FHIT: variants seen among roughly 807,000 people sequenced by gnomAD.
FHIT encodes the protein fragile histidine triad diadenosine triphosphatase, also known as bis(5'-adenosyl)-triphosphatase.
FHIT carries 19 observed loss-of-function variants against 17.9 expected under a neutral mutation model. The ratio of observed to expected loss-of-function variants is 1.06; its 90% confidence interval spans 0.74 to 1.56. The LOEUF is 1.56. Ranked by LOEUF, FHIT falls within the 40% of genes most tolerant of loss-of-function variation. FHIT has a pLI of 0.00. For synonymous variants in FHIT, 81 were observed against 69.7 expected (o/e 1.16, Z -0.81); for missense variants, 248 against 189.2 (o/e 1.31, Z -1.82).
At chr3:60,200,826 C>A (rs1460668469) in intron 5 of FHIT, among the ~76,000 whole-genome samples, 1 of 152,164 alleles carries the variant, frequency 6.6e-6, no homozygotes, top group Non-Finnish European at 1.5e-5. Context: ...CACACACTGG[C>A]ATCTACAATG....
At chr3:60,094,697 G>T (rs1703867044) in intron 5 of FHIT, among the ~76,000 whole-genome samples, 1 of 152,046 alleles carries the variant, frequency 6.6e-6, no homozygotes, top group Non-Finnish European at 1.5e-5. Flanking sequence ...TTCCTAACTT[G>T]CAGGATTCAT....
chr3:60,737,595 G>C (rs1184252347), intron 4 of FHIT, among the ~76,000 whole-genome samples: 8 of 152,220 alleles, frequency 5.3e-5, no homozygotes, highest in African/African-American at 1.7e-4. Context: ...GAAATGTTCA[G>C]AGTGGAAGGA....
At chr3:60,249,809 A>G (rs1705601362) in intron 5 of FHIT, among the ~76,000 whole-genome samples, 1 of 152,064 alleles carries the variant, frequency 6.6e-6, no homozygotes, top group Non-Finnish European at 1.5e-5. Context: ...GGCAATTTAT[A>G]AAGGAAAGAG....
At chr3:60,522,741 G>A (rs545126960) in intron 5 of FHIT, among the ~76,000 whole-genome samples, 1 of 152,242 alleles carries the variant, frequency 6.6e-6, no homozygotes, top group South Asian at 2.1e-4. Flanking sequence ...CCTGATCTCT[G>A]GTGTTGTGCA....
intron 1 of FHIT, among the ~76,000 whole-genome samples, chr3:61,201,645 C>T (rs1271058222): frequency 2.0e-5 from 3 of 152,052 alleles, no homozygotes; most frequent in African/African-American, 7.2e-5. Context: ...TGCATGACCA[C>T]CAAAGAACAG....
chr3:60,177,188 T>C (rs1231806509), intron 5 of FHIT, among the ~76,000 whole-genome samples: 1 of 139,302 alleles, frequency 7.2e-6, no homozygotes. Flanking sequence ...CCCATAAAAA[T>C]AAATACCTGC....
chr3:60,531,232 C>G (rs1003196545), intron 5 of FHIT, among the ~76,000 whole-genome samples: 1 of 150,196 alleles, frequency 6.7e-6, no homozygotes, highest in African/African-American at 2.5e-5. Flanking sequence ...TAAAATAGTG[C>G]TTGTGCTCAT....
At chr3:60,594,659 C>A (rs928945) in intron 4 of FHIT, among the ~76,000 whole-genome samples, 64,302 of 151,824 alleles carry the variant, frequency 0.42, 16,531 homozygotes, top group Non-Finnish European at 0.56. Context: ...TTTCTATTCC[C>A]CTACTTCCTT....
intron 5 of FHIT, among the ~76,000 whole-genome samples, chr3:60,495,088 A>T (rs2034241141): frequency 6.6e-6 from 1 of 152,238 alleles, no homozygotes; most frequent in Non-Finnish European, 1.5e-5. Context: ...CATTCCCACC[A>T]ACAGGGTACA....
At chr3:61,095,521 G>A (rs1018265025) in intron 2 of FHIT, among the ~76,000 whole-genome samples, 2 of 152,074 alleles carry the variant, frequency 1.3e-5, no homozygotes, top group Non-Finnish European at 2.9e-5. Flanking sequence ...GGGTTGCCTT[G>A]AGACTTGCAT....
At chr3:59,998,150 C>A (rs531672701) in intron 7 of FHIT, among the ~76,000 whole-genome samples, 2 of 152,078 alleles carry the variant, frequency 1.3e-5, no homozygotes, top group Non-Finnish European at 2.9e-5. Context: ...CTAAAGTGAG[C>A]TGAAAGATGA....
chr3:60,906,947 G>A (rs1706459482), intron 3 of FHIT, among the ~76,000 whole-genome samples: 1 of 152,122 alleles, frequency 6.6e-6, no homozygotes, highest in Non-Finnish European at 1.5e-5. Flanking sequence ...TATGGAAACA[G>A]AGGTGGAGAC....
chr3:60,496,513 A>T (rs1326884022), intron 5 of FHIT, among the ~76,000 whole-genome samples: 1 of 152,174 alleles, frequency 6.6e-6, no homozygotes, highest in Non-Finnish European at 1.5e-5. Flanking sequence ...CATCATGGGA[A>T]ACAGATGTTT....
intron 8 of FHIT, among the ~76,000 whole-genome samples, chr3:59,917,088 C>T (rs934851014): frequency 3.9e-5 from 6 of 152,222 alleles, no homozygotes; most frequent in African/African-American, 1.2e-4. Flanking sequence ...ATATCATCAG[C>T]AATATAATGG....
chr3:60,111,154 C>CATTCTTTAG, intron 5 of FHIT, among the ~76,000 whole-genome samples: 1 of 152,140 alleles, frequency 6.6e-6, no homozygotes, highest in Non-Finnish European at 1.5e-5. Flanking sequence ...TGTTTCTCTA[C>CATTCTTTAG]TAAAGAATGT....
chr3:60,309,896 C>A (rs910946786), intron 5 of FHIT, among the ~76,000 whole-genome samples: 24 of 152,156 alleles, frequency 1.6e-4, no homozygotes, highest in African/African-American at 5.3e-4. Flanking sequence ...ATATTACTTA[C>A]TATAATTTTT....
intron 8 of FHIT, among the ~76,000 whole-genome samples, chr3:59,803,939 G>A (rs1054851086): frequency 3.9e-5 from 6 of 152,112 alleles, no homozygotes; most frequent in African/African-American, 7.2e-5. Context: ...AGCGATTTTC[G>A]CCATTACTTT....
At chr3:60,074,076 G>A (rs1166315653) in intron 5 of FHIT, among the ~76,000 whole-genome samples, 2 of 152,084 alleles carry the variant, frequency 1.3e-5, no homozygotes, top group Non-Finnish European at 2.9e-5. Flanking sequence ...ACTATGAGAA[G>A]CAGATGTCTT....
At chr3:60,440,032 T>G (rs2030653867) in intron 5 of FHIT, among the ~76,000 whole-genome samples, 1 of 152,078 alleles carries the variant, frequency 6.6e-6, no homozygotes, top group Non-Finnish European at 1.5e-5. Flanking sequence ...TCATCCTCAG[T>G]CACAGTCTTG....
Sources: gnomAD v4.1 joint callset for allele counts (sites outside exome capture counted in the v4.1 genomes callset) on GRCh38, gnomAD v4.1.1 for gene constraint, MANE v1.5 for transcripts, NCBI Gene and HGNC (gene_info 2026-07-23, HGNC 2026-07-21) for gene names.